The following GALNT9 variants were observed in gnomAD, a reference collection of about 807,000 sequenced individuals.
The protein encoded by GALNT9 is GalNAc transferase 9.
Under a neutral mutation model 63.1 loss-of-function variants are expected in GALNT9, and 47 were observed. That is an observed-to-expected ratio of 0.75 (90% confidence interval 0.59 to 0.95). The LOEUF is 0.95. Among genes scored for constraint, GALNT9 ranks in the 40% least tolerant of loss-of-function variants. GALNT9 has a pLI of 0.00. For missense variants in GALNT9, 829 were observed against 874.8 expected, an observed-to-expected ratio of 0.95 and a Z score of 0.66; for synonymous variants, 396 against 365.7, an observed-to-expected ratio of 1.08 and a Z score of -0.94.
At chr12:132,199,741 G>A (rs1160616030) in intron 8 of GALNT9, among the ~76,000 whole-genome samples, 1 of 152,252 alleles carries the variant, frequency 6.6e-6, no homozygotes, top group Non-Finnish European at 1.5e-5. Flanking sequence ...ACTGCTGGGG[G>A]ATGTGTTGTC....
chr12:132,259,890 G>A (rs1879297328), intron 4 of GALNT9, among the ~76,000 whole-genome samples: 1 of 152,236 alleles, frequency 6.6e-6, no homozygotes, highest in South Asian at 2.1e-4. Flanking sequence ...AGGAAGTGGG[G>A]AAAATGTCCT....
rs1204238410 is a variant in GALNT9 at position 132,252,895 on chromosome 12, G to A, written c.959+4794C>T. Among the ~76,000 whole-genome samples, 107 of 150,934 alleles carry A rather than the reference G, an allele frequency of 7.1e-4. No individual in the cohort carries two copies. Among genetic ancestry groups the A allele is most frequent in the African/African-American group, 2.4e-3 (100 of 41,216 alleles). ...CGAAACTGCCTCAAAAAAAAAAAAA[G>A]ACACGGAGACCAGTAGTGGCCCCGA... On this transcript the variant is annotated intron_variant, in intron 5 of 10. Transcript: ENST00000328957. The surrounding 1 kb of genome is among the most constrained non-coding windows in gnomAD (Gnocchi z 5.2).
At chr12:132,230,332 A>G (rs1296121952) in intron 6 of GALNT9, among the ~76,000 whole-genome samples, 3 of 152,224 alleles carry the variant, frequency 2.0e-5, no homozygotes, top group Non-Finnish European at 2.9e-5. Flanking sequence ...TGTGAACAAA[A>G]TGAAACAGTC....
At position 132,319,613 on chromosome 12, in the gene GALNT9, C is replaced by T. The variant is rs1488475072; in HGVS notation, c.238+9353G>A. ...CTCTCTATCCGCCGGCTCCTTTCCT[C>T]GGGAGAGCCCTGACGCACACACTAG... On this transcript the variant is annotated intron_variant, in intron 1 of 10. Coordinates refer to ENST00000328957, the MANE Select transcript of GALNT9 (RefSeq NM_001122636.2). This position sits in a 1 kb window ranked among gnomAD's most constrained non-coding sequence, Gnocchi z 5.2. Among the ~76,000 whole-genome samples the T allele has an allele frequency of 2.6e-5, 4 of 152,138 alleles. No individual in the cohort carries two copies. Among genetic ancestry groups the T allele is most frequent in the Non-Finnish European group, 4.4e-5 (3 of 68,024 alleles).
At chr12:132,317,258 C>T (rs1386020208) in intron 1 of GALNT9, among the ~76,000 whole-genome samples, 1 of 152,190 alleles carries the variant, frequency 6.6e-6, no homozygotes, top group Non-Finnish European at 1.5e-5. Context: ...ATCCCATACC[C>T]CATGGAGCAC....
Position 132,196,794 on chromosome 12 carries a change from A to G in GALNT9, c.*313T>C. 1 of 1,127,490 alleles carries G rather than the reference A, an allele frequency of 8.9e-7. No homozygotes were observed. The highest frequency in any genetic ancestry group is 2.6e-5 in the South Asian group (1 of 38,806). 69.8% of individuals were successfully genotyped at this position (1,127,490 alleles called of 1,614,324 possible). ...CCTATGGGGCGTGGGGGGCTGTGGT[A>G]CATGCAGAGGCGGCGGCTGTCCCAG... On this transcript the variant is annotated 3_prime_UTR_variant, in exon 11 of 11. Coordinates refer to ENST00000328957, the MANE Select transcript of GALNT9 (RefSeq NM_001122636.2).
Position 132,286,620 on chromosome 12 carries a change from G to A in GALNT9, c.239-190C>T. The A allele has an allele frequency of 1.0e-6, 1 of 993,966 alleles. No homozygotes were observed. Among genetic ancestry groups the A allele is most frequent in the Non-Finnish European group, 1.4e-6 (1 of 702,240 alleles). 61.6% of individuals were successfully genotyped at this position (993,966 alleles called of 1,614,324 possible). On this transcript the variant is annotated intron_variant, in intron 1 of 10. Coordinates refer to ENST00000328957, the MANE Select transcript of GALNT9 (RefSeq NM_001122636.2). This position sits in a 1 kb window ranked among gnomAD's most constrained non-coding sequence, Gnocchi z 7.4. ...GCAAGGCTGTGCGCGGAGTGAGAGG[G>A]CGGTGCCAGGCGGAAGAGGGAGGGA...
intron 1 of GALNT9, among the ~76,000 whole-genome samples, chr12:132,300,552 C>A (rs34943154): frequency 4.1e-4 from 44 of 108,056 alleles, no homozygotes; most frequent in South Asian, 1.6e-3. Flanking sequence ...TCCCATAACT[C>A]ACCCACTCCC....
intron 6 of GALNT9, among the ~76,000 whole-genome samples, chr12:132,217,274 CATCTATCTA>C (rs1877242709): frequency 1.3e-5 from 2 of 150,492 alleles, no homozygotes; most frequent in South Asian, 2.1e-4. Flanking sequence ...TTCACTCATC[CATCTATCTA>C]TCCATCCAGC....
At chr12:132,305,978 G>A (rs1881595999) in intron 1 of GALNT9, among the ~76,000 whole-genome samples, 2 of 151,996 alleles carry the variant, frequency 1.3e-5, no homozygotes, top group Admixed American at 6.5e-5. Flanking sequence ...CTGGGCCGGG[G>A]GGCTCACGGC....
Position 132,267,026 on chromosome 12 carries a change from G to T in GALNT9, c.420-4401C>A, listed in dbSNP as rs111853740. On this transcript the variant is annotated intron_variant, in intron 2 of 10. Transcript: ENST00000328957. ...CAGCGAGCGAAAGGGGCAGCCCGAG[G>T]TGTGATCCGCGTCTGGATGTGCGGT... 9.8e-4 allele frequency among the ~76,000 whole-genome samples: 149 copies of T among 152,344 alleles called. No individual in the cohort carries two copies. In the Middle Eastern group the frequency reaches 0.017, roughly 17 times the overall value.
rs564561023 is a variant in GALNT9, at chr12:132,254,418, G to A, written c.959+3271C>T. 7.2e-5 allele frequency among the ~76,000 whole-genome samples: 11 copies of A among 152,336 alleles called. No individual in the cohort carries two copies. In the East Asian group the frequency reaches 1.2e-3, roughly 16 times the overall value. On this transcript the variant is annotated intron_variant, in intron 5 of 10. Transcript: ENST00000328957. Reference sequence around the variant, plus strand: ...CTCAGTTTCAGCGATGATCAGCATCGTGTCCTTCTTATTTTTTTCTCTCGC... The same window carrying A: ...CTCAGTTTCAGCGATGATCAGCATCATGTCCTTCTTATTTTTTTCTCTCGC...
chr12:132,303,232 T>G (rs558970920), intron 1 of GALNT9, among the ~76,000 whole-genome samples: 1 of 151,792 alleles, frequency 6.6e-6, no homozygotes, highest in African/African-American at 2.4e-5. Context: ...GCGCCCTGAG[T>G]GGATTCGTCA....
chr12:132,301,793 G>C (rs781865903), intron 1 of GALNT9, among the ~76,000 whole-genome samples: 2 of 152,210 alleles, frequency 1.3e-5, no homozygotes, highest in Non-Finnish European at 2.9e-5. Context: ...TGCGGCTCCA[G>C]GGGGGCACGG....
rs1878094586 is a variant in GALNT9, at chr12:132,238,697, C to T, written c.1077+9213G>A. ...GGGCAGGTCACTCAGCCTCTCTGGG[C>T]CTCAGCTCCTCCCCAGGGCTGTGGG... is the stretch of plus-strand genomic sequence containing the variant. On this transcript the variant is annotated intron_variant, in intron 6 of 10. Coordinates refer to ENST00000328957, the MANE Select transcript of GALNT9 (RefSeq NM_001122636.2). This position sits in a 1 kb window ranked among gnomAD's most constrained non-coding sequence, Gnocchi z 6.5. Among the ~76,000 whole-genome samples, 1 of 152,070 alleles carries T rather than the reference C, an allele frequency of 6.6e-6. No individual in the cohort carries two copies. The highest frequency in any genetic ancestry group is 2.4e-5 in the African/African-American group (1 of 41,400).
Position 132,244,273 on chromosome 12 carries a change from A to C in GALNT9, c.1077+3637T>G, listed in dbSNP as rs1555237806. 5.1e-3 allele frequency among the ~76,000 whole-genome samples: 156 copies of C among 30,718 alleles called. 4 individuals carry two copies. The highest frequency in any genetic ancestry group is 0.026 in the African/African-American group (146 of 5,722). 20.2% of individuals were successfully genotyped at this position (30,718 alleles called of 152,430 possible). A position where few individuals can be genotyped will look rare whatever the true frequency, so the allele number is the denominator to read the frequency against. ...CTGGGGCTAGACGGGGGATGTGGTG[A>C]TGGGGCTGGACGGGGGGGCGTGGTG... On this transcript the variant is annotated intron_variant, in intron 6 of 10. Transcript: ENST00000328957.
chr12:132,204,892 G>A (rs924765212), intron 6 of GALNT9, among the ~76,000 whole-genome samples: 6 of 152,148 alleles, frequency 3.9e-5, no homozygotes, highest in African/African-American at 1.4e-4. Flanking sequence ...CATGCTGGAC[G>A]AGTGTGCCAG....
intron 7 of GALNT9, among the ~76,000 whole-genome samples, chr12:132,201,646 A>G (rs1876129425): frequency 6.6e-6 from 1 of 150,440 alleles, no homozygotes; most frequent in African/African-American, 2.5e-5. Context: ...CCATATCCAG[A>G]GACCAGCCTG....
At chr12:132,203,805 C>T in intron 6 of GALNT9, 115 bp from the exon 7 acceptor site, 1 of 1,136,830 alleles carries the variant, frequency 8.8e-7, no homozygotes, top group Non-Finnish European at 1.2e-6. Context: ...GGGGCACCCC[C>T]ACCACCGACG....
Sources: allele counts gnomAD v4.1 joint callset (sites outside exome capture counted in the v4.1 genomes callset), GRCh38; gene constraint gnomAD v4.1.1; non-coding constraint Gnocchi (gnomAD v3.1); transcripts MANE v1.5; gene names NCBI Gene and HGNC (gene_info 2026-07-23, HGNC 2026-07-21).